The following SMCHD1 variants were observed in gnomAD, a reference collection of about 807,000 sequenced individuals.
SMCHD1 encodes structural maintenance of chromosomes flexible hinge domain-containing protein 1.
A neutral mutation model predicts 254.7 loss-of-function variants in SMCHD1; 78 were observed. The ratio of observed to expected loss-of-function variants is 0.31; its 90% CI spans 0.26 to 0.37. The LOEUF (loss-of-function observed/expected upper bound fraction) is 0.37. Ranked by LOEUF, SMCHD1 falls within the 10% of genes least tolerant of loss-of-function variation. The pLI is 1.00. For missense variants in SMCHD1, 1,840 were observed against 2,408.1 expected (o/e 0.76, Z 4.94); for synonymous variants, 766 against 794.9 (o/e 0.96, Z 0.61).
chr18:2,724,975 G>C lies in SMCHD1; in HGVS notation c.2680G>C (p.Val894Leu). The C allele has an allele frequency of 6.3e-7, 1 of 1,582,012 alleles. No individual in the cohort carries two copies. Among genetic ancestry groups the C allele is most frequent in the Non-Finnish European group, 8.6e-7 (1 of 1,159,980 alleles). The change falls in exon 21 of 48, where the codon GTA becomes CTA. Residue 894 changes from valine to leucine, a missense_variant. By Grantham distance (32) the Val-to-Leu change is conservative. Transcript: ENST00000320876. Reference protein sequence around the residue: ...VIRGVTAKGPVNSCQGKNYNL... With the variant: ...VIRGVTAKGPLNSCQGKNYNL... ...TCGAGGTGTTACAGCCAAGGGCCCT[G>C]TAAACTCTTGTCAAGGCAAGGTAAG...
In SMCHD1 at chr18:2,738,454, G is replaced by C. The variant is rs2075290926; in HGVS notation, c.3334G>C (p.Val1112Leu). ...CTTGCTACAGGGTCTGCTTCCTGATGTGCAAGTACCAACATCTGTAAAAGA... is the reference window on the plus strand; with the variant it reads ...CTTGCTACAGGGTCTGCTTCCTGATCTGCAAGTACCAACATCTGTAAAAGA... ...EHLLQGLLPD[V>L]QVPTSVKDMR... Residue 1112 changes from valine to leucine, a missense_variant, in exon 26 of 48, where the codon GTG becomes CTG. Val to Leu is a conservative substitution (Grantham distance 32). Transcript: ENST00000320876. 1 of 1,611,992 alleles carries C rather than the reference G, an allele frequency of 6.2e-7. No individual in the cohort carries two copies. Among genetic ancestry groups the C allele is most frequent in the African/African-American group, 1.3e-5 (1 of 74,976 alleles).
Position 2,703,849 on chromosome 18 carries a change from T to C in SMCHD1, c.1805T>C (p.Ile602Thr). ...KQGPWATYAA[I>T]EWDGKIYKAG... is the part of the protein sequence containing the mutation. ...GGTCCCTGGGCAACATATGCAGCAA[T>C]AGAATGGGATGGAAAGATATACAAA... Residue 602 changes from isoleucine to threonine, a missense_variant, in exon 13 of 48, where the codon ATA (isoleucine) becomes ACA (threonine). Physicochemically the swap from Ile to Thr is moderately conservative, Grantham distance 89. This residue lies in a region of SMCHD1 where 498 missense variants were observed against 743.5 expected (regional missense o/e 0.67). Transcript: ENST00000320876. 6.2e-7 allele frequency: 1 copy of C among 1,610,870 alleles called. No individual in the cohort carries two copies.
intron 1 of SMCHD1, among the ~76,000 whole-genome samples, chr18:2,665,481 T>G (rs2073411889): frequency 6.6e-6 from 1 of 151,986 alleles, no homozygotes. Context: ...CCACCACACC[T>G]GGCTAATTTT....
At chr18:2,697,005 G>C (rs1317927862) in intron 8 of SMCHD1, 27 bp from the exon 9 acceptor site, 57 of 1,006,340 alleles carry the variant, frequency 5.7e-5, no homozygotes, top group Non-Finnish European at 8.1e-5. Context: ...TGAATTAAAA[G>C]TATAAAATTA....
chr18:2,729,189 A>C, intron 23 of SMCHD1, 86 bp from the exon 24 acceptor site: 1 of 1,110,688 alleles, frequency 9.0e-7, no homozygotes, highest in Non-Finnish European at 1.2e-6. Flanking sequence ...TAGTAGCTCT[A>C]CTGAATTATT....
intron 28 of SMCHD1, among the ~76,000 whole-genome samples, chr18:2,743,517 T>TGAAATTAAG (rs2075390384): frequency 6.6e-6 from 1 of 152,046 alleles, no homozygotes; most frequent in East Asian, 1.9e-4. Flanking sequence ...TAAGAAAAGA[T>TGAAATTAAG]AAAATAAAGA....
In SMCHD1 at chr18:2,734,149, G is replaced by A. The variant is rs193146307; in HGVS notation, c.3276+1657G>A. Among the ~76,000 whole-genome samples the A allele has an allele frequency of 1.5e-3, 226 of 152,262 alleles. 1 individual carries two copies. Among genetic ancestry groups the A allele is most frequent in the African/African-American group, 5.3e-3 (222 of 41,536 alleles). On this transcript the variant is annotated intron_variant, in intron 25 of 47. Coordinates refer to ENST00000320876, the MANE Select transcript of SMCHD1 (RefSeq NM_015295.3). ...GCTTTTTTTCCCCTTCATAATGAGGGAAGAGAGAATTGAGATAGAAATAAT... is the reference window on the plus strand; with the variant it reads ...GCTTTTTTTCCCCTTCATAATGAGGAAAGAGAGAATTGAGATAGAAATAAT...
rs936433803 is a variant in SMCHD1, at chr18:2,768,162, A to AT, written c.4720-1530dup. 1.1e-4 allele frequency among the ~76,000 whole-genome samples: 17 copies of AT among 151,198 alleles called. 1 individual carries two copies. Among genetic ancestry groups the AT allele is most frequent in the Non-Finnish European group, 1.8e-4 (12 of 67,374 alleles). On this transcript the variant is annotated intron_variant, in intron 37 of 47. Transcript: ENST00000320876. ...CTCCTAAGGAACTACTTGCAAATCAATTAAAAAAAAAAGACAAACCGGTAG... is the reference window on the plus strand; with the variant it reads ...CTCCTAAGGAACTACTTGCAAATCAATTTAAAAAAAAAAGACAAACCGGTAG...
At chr18:2,678,644 G>T (rs183719969) in intron 5 of SMCHD1, among the ~76,000 whole-genome samples, 1 of 151,782 alleles carries the variant, frequency 6.6e-6, no homozygotes, top group Non-Finnish European at 1.5e-5. Context: ...TGTAATTACC[G>T]CTACCTTATT....
intron 5 of SMCHD1, among the ~76,000 whole-genome samples, chr18:2,678,101 A>T (rs980072077): frequency 6.6e-6 from 1 of 152,206 alleles, no homozygotes; most frequent in African/African-American, 2.4e-5. Context: ...TGTGATCGTT[A>T]TACATTATAG....
At chr18:2,668,185 AGT>A (rs2073490617) in intron 3 of SMCHD1, among the ~76,000 whole-genome samples, 1 of 152,116 alleles carries the variant, frequency 6.6e-6, no homozygotes, top group African/African-American at 2.4e-5. Flanking sequence ...CGGTCTGAAC[AGT>A]GTTCTTCTAT....
intron 20 of SMCHD1, among the ~76,000 whole-genome samples, chr18:2,724,248 A>G (rs1052516025): frequency 6.6e-6 from 1 of 151,194 alleles, no homozygotes; most frequent in African/African-American, 2.4e-5. Flanking sequence ...CCATCATGGT[A>G]TATTTTTTAC....
intron 2 of SMCHD1, among the ~76,000 whole-genome samples, 194 bp from the exon 3 acceptor site, chr18:2,666,676 A>G (rs1339095054): frequency 1.3e-5 from 2 of 152,230 alleles, no homozygotes; most frequent in African/African-American, 4.8e-5. Context: ...GAGTGTTTCA[A>G]ATGAATGGAA....
At chr18:2,698,965 C>G (rs910409684) in intron 10 of SMCHD1, among the ~76,000 whole-genome samples, 6 of 151,978 alleles carry the variant, frequency 3.9e-5, no homozygotes, top group Non-Finnish European at 8.8e-5. Flanking sequence ...TTTTGCTCTT[C>G]TAGATAATTT....
At chr18:2,691,979 A>T (rs1410264052) in intron 7 of SMCHD1, 1 of 152,282 alleles carries the variant, frequency 6.6e-6, no homozygotes, top group East Asian at 1.9e-4. Context: ...CTTGTGTGAT[A>T]ACACAAAACT....
intron 1 of SMCHD1, among the ~76,000 whole-genome samples, chr18:2,659,591 T>C (rs544139489): frequency 6.6e-6 from 1 of 152,306 alleles, no homozygotes; most frequent in South Asian, 2.1e-4. Flanking sequence ...AGTTCTAAAA[T>C]ATGCCCAGAT....
intron 5 of SMCHD1, among the ~76,000 whole-genome samples, chr18:2,676,821 T>A (rs1197735056): frequency 2.0e-5 from 3 of 152,244 alleles, no homozygotes; most frequent in Admixed American, 1.3e-4. Flanking sequence ...AGTACACTGC[T>A]GTCAGTTTGT....
rs143188940 is a variant in SMCHD1, at chr18:2,770,944, A to G, written c.4967-589A>G. ...GCCTACGTTTGCTGCAATTCTTAAT[A>G]ATGTTTCATATAATTGAAAGACAAG... On this transcript the variant is annotated intron_variant, in intron 39 of 47. Transcript: ENST00000320876. Among the ~76,000 whole-genome samples, 66 of 152,240 alleles carry G rather than the reference A, an allele frequency of 4.3e-4. No homozygotes were observed. The East Asian group carries it at 0.012, about 27-fold the overall frequency.
chr18:2,662,858 A>G lies in SMCHD1; in HGVS notation c.187-3299A>G, dbSNP rs185556539. ...CTTTATTTCTCTAGGGTGGAATTGC[A>G]TGGAATATGAGTATCTTTTAAGTTT... On this transcript the variant is annotated intron_variant, in intron 1 of 47. Coordinates refer to ENST00000320876, the MANE Select transcript of SMCHD1 (RefSeq NM_015295.3). 3.7e-4 allele frequency among the ~76,000 whole-genome samples: 56 copies of G among 152,216 alleles called. No individual in the cohort carries two copies. The East Asian group carries it at 0.01, about 27-fold the overall frequency.
Sources: allele counts gnomAD v4.1 joint callset (sites outside exome capture counted in the v4.1 genomes callset), GRCh38; gene constraint gnomAD v4.1.1; regional missense constraint gnomAD v4.1.1; transcripts MANE v1.5; gene names NCBI Gene and HGNC (gene_info 2026-07-23, HGNC 2026-07-21).